Variants in CNTN4 observed in about 807,000 individuals in gnomAD.
CNTN4 encodes the protein contactin 4.
CNTN4 carries 77 observed loss-of-function variants against 122.5 expected under a neutral mutation model. The observed-to-expected ratio is 0.63, with a 90% CI of 0.52 to 0.76. The LOEUF is 0.76. Ranked by LOEUF, CNTN4 falls within the 30% of genes least tolerant of loss-of-function variation. The probability of loss-of-function intolerance (pLI) is 0.00; values close to 1 mark genes in which losing one functional copy is unlikely to be tolerated. For missense variants in CNTN4, 1,256 were observed against 1,259.1 expected, an observed-to-expected ratio of 1.00 and a Z score of 0.04; for synonymous variants, 512 against 447.0, an observed-to-expected ratio of 1.15 and a Z score of -1.83.
At chr3:2,125,416 T>C (rs1163246227) in intron 2 of CNTN4, among the ~76,000 whole-genome samples, 1 of 151,666 alleles carries the variant, frequency 6.6e-6, no homozygotes, top group Non-Finnish European at 1.5e-5. Context: ...TTTAGGTTGT[T>C]TCCATATCTT....
In CNTN4 at chr3:2,421,638, C is replaced by T. The variant is rs117306262; in HGVS notation, c.-89+82405C>T. On this transcript the variant is annotated intron_variant, in intron 3 of 24. Transcript: ENST00000418658. ...GACAATCAGTAGTTGAAGCCCTTTTCACATCTTCACTGGGCATTCTATTAA... is the reference window on the plus strand; with the variant it reads ...GACAATCAGTAGTTGAAGCCCTTTTTACATCTTCACTGGGCATTCTATTAA... Among the ~76,000 whole-genome samples the T allele has an allele frequency of 9.7e-4, 147 of 152,270 alleles. No homozygotes were observed. The East Asian group carries it at 0.024, about 25-fold the overall frequency.
chr3:2,581,814 G>A (rs1261191001), intron 4 of CNTN4, among the ~76,000 whole-genome samples: 1 of 152,162 alleles, frequency 6.6e-6, no homozygotes, highest in East Asian at 1.9e-4. Context: ...ATATTATTCA[G>A]CCATAAAAAG....
intron 2 of CNTN4, among the ~76,000 whole-genome samples, chr3:2,275,124 C>T (rs1030114626): frequency 6.6e-6 from 1 of 152,162 alleles, no homozygotes; most frequent in Admixed American, 6.5e-5. Flanking sequence ...CCATCATCTA[C>T]GTTGCCTGTT....
chr3:2,362,403 T>G, intron 3 of CNTN4: 1 of 343,870 alleles, frequency 2.9e-6, no homozygotes, highest in Non-Finnish European at 5.7e-6. Context: ...TTCCTGGGGG[T>G]GTAGCCCCAA....
chr3:2,382,844 C>A (rs575409422), intron 3 of CNTN4, among the ~76,000 whole-genome samples: 4 of 152,168 alleles, frequency 2.6e-5, no homozygotes, highest in Non-Finnish European at 4.4e-5. Context: ...GAGGCCGAGG[C>A]GGGCGGATCA....
At chr3:2,947,139 A>G (rs879364737) in intron 13 of CNTN4, among the ~76,000 whole-genome samples, 5 of 152,286 alleles carry the variant, frequency 3.3e-5, no homozygotes, top group Admixed American at 6.5e-5. Flanking sequence ...GCTGCTTATC[A>G]TTGTTTTCGC....
intron 7 of CNTN4, among the ~76,000 whole-genome samples, chr3:2,854,886 C>T (rs1175485273): frequency 6.6e-6 from 1 of 152,166 alleles, no homozygotes; most frequent in Non-Finnish European, 1.5e-5. Flanking sequence ...ATTGAATCCT[C>T]TTTTTTCTTT....
chr3:2,593,075 C>G lies in CNTN4; in HGVS notation c.55+21517C>G, dbSNP rs529600134. 1.2e-3 allele frequency among the ~76,000 whole-genome samples: 179 copies of G among 152,314 alleles called. 1 individual carries two copies. Among genetic ancestry groups the G allele is most frequent in the African/African-American group, 4.3e-3 (177 of 41,552 alleles). On this transcript the variant is annotated intron_variant, in intron 4 of 24. Coordinates refer to ENST00000418658, the MANE Select transcript of CNTN4 (RefSeq NM_175607.3). ...ATACATAACACCCACTCAGCTCTCC[C>G]TGAACTCACATGTTGGATTTTCCCA...
chr3:2,224,370 G>C (rs1300765177), intron 2 of CNTN4, among the ~76,000 whole-genome samples: 2 of 152,100 alleles, frequency 1.3e-5, no homozygotes, highest in Non-Finnish European at 2.9e-5. Flanking sequence ...ATCCCTGGAC[G>C]GAAATAGTCC....
chr3:2,405,303 C>G (rs993505349), intron 3 of CNTN4, among the ~76,000 whole-genome samples: 3 of 152,126 alleles, frequency 2.0e-5, no homozygotes, highest in African/African-American at 4.8e-5. Context: ...AATGAGCACA[C>G]CTAGGACTCA....
intron 3 of CNTN4, among the ~76,000 whole-genome samples, chr3:2,428,767 C>A (rs753625639): frequency 6.6e-6 from 1 of 152,098 alleles, no homozygotes; most frequent in Non-Finnish European, 1.5e-5. Context: ...AGGCTTTGTT[C>A]GTTTCTTTTT....
chr3:2,763,696 A>G (rs902312560), intron 6 of CNTN4, among the ~76,000 whole-genome samples: 1 of 152,202 alleles, frequency 6.6e-6, no homozygotes, highest in Non-Finnish European at 1.5e-5. Context: ...AATATTCTGC[A>G]TATGGCTAGC....
chr3:2,302,757 C>G (rs73807705), intron 2 of CNTN4, among the ~76,000 whole-genome samples: 2 of 152,136 alleles, frequency 1.3e-5, no homozygotes, highest in Non-Finnish European at 2.9e-5. Flanking sequence ...ATCACTTTGT[C>G]CCATGTGGAA....
intron 2 of CNTN4, among the ~76,000 whole-genome samples, chr3:2,298,532 C>G (rs1268031696): frequency 1.3e-5 from 2 of 152,162 alleles, no homozygotes; most frequent in Non-Finnish European, 2.9e-5. Flanking sequence ...ACTCTTGCCT[C>G]TTTCTTAGTC....
At position 2,149,274 on chromosome 3, in the gene CNTN4, C is replaced by T. The variant is rs187072669; in HGVS notation, c.-145+48635C>T. On this transcript the variant is annotated intron_variant, in intron 2 of 24. Transcript: ENST00000418658. ...ATTGTAGAAATCCCGTGACCATACGCAGTGGTTTTTATTTTGTTCTAAGGG... is the reference window on the plus strand; with the variant it reads ...ATTGTAGAAATCCCGTGACCATACGTAGTGGTTTTTATTTTGTTCTAAGGG... 3.1e-4 allele frequency among the ~76,000 whole-genome samples: 47 copies of T among 152,234 alleles called. 1 individual carries two copies. Among genetic ancestry groups the T allele is most frequent in the Admixed American group, 2.6e-3 (39 of 15,290 alleles).
intron 3 of CNTN4, among the ~76,000 whole-genome samples, chr3:2,451,541 A>G (rs1047225300): frequency 6.6e-6 from 1 of 151,226 alleles, no homozygotes; most frequent in African/African-American, 2.4e-5. Context: ...GATCTTAAAT[A>G]TATTTATTCA....
chr3:2,577,866 G>C (rs2079764159), intron 4 of CNTN4, among the ~76,000 whole-genome samples: 1 of 152,068 alleles, frequency 6.6e-6, no homozygotes, highest in Admixed American at 6.5e-5. Flanking sequence ...GTTTCAAGGA[G>C]GCTAAATTTA....
At chr3:2,821,557 A>G (rs2092873587) in intron 7 of CNTN4, among the ~76,000 whole-genome samples, 2 of 152,158 alleles carry the variant, frequency 1.3e-5, no homozygotes, top group African/African-American at 4.8e-5. Flanking sequence ...TGAAAAATCA[A>G]ATATTTTACG....
chr3:2,727,866 A>T (rs1290662199), intron 4 of CNTN4, among the ~76,000 whole-genome samples: 1 of 152,158 alleles, frequency 6.6e-6, no homozygotes, highest in Admixed American at 6.5e-5. Flanking sequence ...TAAAATGCTC[A>T]TTTGAGGGGT....
Sources: allele counts gnomAD v4.1 joint callset (sites outside exome capture counted in the v4.1 genomes callset), GRCh38; gene constraint gnomAD v4.1.1; transcripts MANE v1.5; gene names NCBI Gene and HGNC (gene_info 2026-07-23, HGNC 2026-07-21).